Variants in PKIB observed in about 807,000 individuals in gnomAD.
PKIB encodes the protein PKI-beta.
Under a neutral mutation model 4.5 loss-of-function variants are expected in PKIB, and 2 were observed. The ratio of observed to expected loss-of-function variants is 0.44; its 90% CI spans 0.18 to 1.39. PKIB has a LOEUF of 1.39. PKIB is among the 40% of genes most tolerant of loss of function. The probability of loss-of-function intolerance (pLI) is 0.27; values close to 1 mark genes in which losing one functional copy is unlikely to be tolerated. For synonymous variants in PKIB, 38 were observed against 36.0 expected (o/e 1.06, Z -0.20); for missense variants, 94 against 92.6 (o/e 1.02, Z -0.06).
intron 2 of PKIB, among the ~76,000 whole-genome samples, chr6:122,561,994 G>GTTTTTTTTGTTTTTT (rs1773031643): frequency 2.4e-5 from 1 of 40,900 alleles, no homozygotes; most frequent in Non-Finnish European, 4.6e-5. Flanking sequence ...GTTTGTTTTT[G>GTTTTTTTTGTTTTTT]TTTTTTTTTG....
intron 2 of PKIB, among the ~76,000 whole-genome samples, chr6:122,572,795 A>G (rs1162922944): frequency 1.3e-5 from 2 of 152,160 alleles, no homozygotes; most frequent in African/African-American, 4.8e-5. Context: ...GCAATATTAC[A>G]ACAGATACTA....
chr6:122,702,156 T>C (rs1197497221), intron 3 of PKIB, among the ~76,000 whole-genome samples: 4 of 151,918 alleles, frequency 2.6e-5, no homozygotes, highest in African/African-American at 9.7e-5. Flanking sequence ...AAACCTCACA[T>C]TGAGTGTGCA....
At chr6:122,581,011 C>A (rs1773686874) in intron 2 of PKIB, among the ~76,000 whole-genome samples, 1 of 152,108 alleles carries the variant, frequency 6.6e-6, no homozygotes, top group Non-Finnish European at 1.5e-5. Flanking sequence ...CTGCCAAATA[C>A]CCAGGATCTT....
chr6:122,650,068 A>C (rs765586452), intron 2 of PKIB, among the ~76,000 whole-genome samples: 3 of 152,198 alleles, frequency 2.0e-5, no homozygotes, highest in Non-Finnish European at 4.4e-5. Flanking sequence ...ACACCGAAAT[A>C]AAGAATAAGT....
At chr6:122,515,863 G>A (rs1173109601) in intron 2 of PKIB, among the ~76,000 whole-genome samples, 2 of 151,862 alleles carry the variant, frequency 1.3e-5, no homozygotes, top group Non-Finnish European at 2.9e-5. Context: ...CTACAGGCTC[G>A]CACCACCACG....
chr6:122,587,879 T>A (rs549814687), intron 3 of PKIB, among the ~76,000 whole-genome samples: 17 of 152,192 alleles, frequency 1.1e-4, no homozygotes, highest in Non-Finnish European at 2.4e-4. Context: ...GGGTTGTTTT[T>A]TTCTTGTAAA....
intron 2 of PKIB, among the ~76,000 whole-genome samples, chr6:122,657,481 A>G (rs907580685): frequency 6.6e-5 from 10 of 152,210 alleles, no homozygotes; most frequent in Admixed American, 6.5e-4. Flanking sequence ...ATTGGTGTCA[A>G]TGATAGATGT....
chr6:122,518,701 A>G (rs1463466591), intron 2 of PKIB, among the ~76,000 whole-genome samples: 1 of 152,140 alleles, frequency 6.6e-6, no homozygotes, highest in Non-Finnish European at 1.5e-5. Flanking sequence ...ACCTATTGTT[A>G]TAACCATCAT....
chr6:122,649,254 C>T (rs532750255), intron 2 of PKIB, among the ~76,000 whole-genome samples: 51 of 152,256 alleles, frequency 3.3e-4, no homozygotes, highest in African/African-American at 1.2e-3. Context: ...TAGTCTTGTA[C>T]GTCTGGCCAT....
chr6:122,608,707 C>T (rs866482493), upstream of PKIB, among the ~76,000 whole-genome samples: 1 of 152,132 alleles, frequency 6.6e-6, no homozygotes, highest in Non-Finnish European at 1.5e-5. Context: ...CCTTCATGGG[C>T]CATACATTCC....
chr6:122,622,094 T>C (rs1264382010), intron 1 of PKIB, among the ~76,000 whole-genome samples: 1 of 152,210 alleles, frequency 6.6e-6, no homozygotes, highest in African/African-American at 2.4e-5. Context: ...CTGTGGATAA[T>C]TGAAGGCCCT....
chr6:122,705,134 T>A (rs1779002544), intron 3 of PKIB, among the ~76,000 whole-genome samples: 1 of 152,212 alleles, frequency 6.6e-6, no homozygotes, highest in Non-Finnish European at 1.5e-5. Flanking sequence ...CACAAATTAT[T>A]ATAAACAAGA....
At chr6:122,683,171 C>T (rs1453416738) in intron 3 of PKIB, among the ~76,000 whole-genome samples, 3 of 152,112 alleles carry the variant, frequency 2.0e-5, no homozygotes, top group African/African-American at 7.2e-5. Flanking sequence ...TTGGGCTGTT[C>T]TTACATTGCT....
At chr6:122,685,763 T>C (rs1778069249) in intron 3 of PKIB, among the ~76,000 whole-genome samples, 1 of 152,314 alleles carries the variant, frequency 6.6e-6, no homozygotes, top group East Asian at 1.9e-4. Context: ...TATATTTTTT[T>C]GTACCCATTA....
chr6:122,575,155 C>T (rs117371664), intron 2 of PKIB, among the ~76,000 whole-genome samples: 5,947 of 152,076 alleles, frequency 0.039, 158 homozygotes, highest in Non-Finnish European at 0.063. Flanking sequence ...AAAATGCTCA[C>T]CATTGCTAAT....
At chr6:122,614,489 A>G (rs1026480581) in intron 1 of PKIB, among the ~76,000 whole-genome samples, 1 of 151,970 alleles carries the variant, frequency 6.6e-6, no homozygotes, top group Non-Finnish European at 1.5e-5. Context: ...TGTTGAAAGT[A>G]TTCTTATCCC....
At chr6:122,527,364 C>G (rs1425030916) in intron 2 of PKIB, among the ~76,000 whole-genome samples, 1 of 152,072 alleles carries the variant, frequency 6.6e-6, no homozygotes, top group East Asian at 1.9e-4. Flanking sequence ...AGAGGACCAG[C>G]TTTTGCCCTG....
At chr6:122,676,597 A>T (rs960814736) in intron 3 of PKIB, among the ~76,000 whole-genome samples, 1 of 152,198 alleles carries the variant, frequency 6.6e-6, no homozygotes, top group African/African-American at 2.4e-5. Flanking sequence ...AGATCATTTT[A>T]TGATTCCAGG....
chr6:122,500,734 C>T (rs1056594438), intron 2 of PKIB, among the ~76,000 whole-genome samples: 4 of 152,142 alleles, frequency 2.6e-5, no homozygotes, highest in African/African-American at 9.7e-5. Flanking sequence ...TAAGGGCATA[C>T]CTGAGACTAG....
Sources: gnomAD v4.1 joint callset for allele counts (sites outside exome capture counted in the v4.1 genomes callset) on GRCh38, gnomAD v4.1.1 for gene constraint, MANE v1.5 for transcripts, NCBI Gene and HGNC (gene_info 2026-07-23, HGNC 2026-07-21) for gene names.